HSD17B3: variants seen among roughly 807,000 people sequenced by gnomAD.
HSD17B3 encodes the protein 17-beta-hydroxysteroid dehydrogenase type 3.
A neutral mutation model predicts 41.1 loss-of-function variants in HSD17B3; 29 were observed. That is an observed-to-expected ratio of 0.71 (90% CI 0.53 to 0.96). The LOEUF (loss-of-function observed/expected upper bound fraction) is 0.96. HSD17B3 is among the 40% of genes least tolerant of loss of function. The pLI, the probability that HSD17B3 is intolerant of heterozygous loss-of-function variation, is 0.00. For missense variants in HSD17B3, 323 were observed against 374.6 expected, an observed-to-expected ratio of 0.86 and a Z score of 1.14; for synonymous variants, 126 against 145.6, an observed-to-expected ratio of 0.87 and a Z score of 0.97.
At chr9:96,253,892 C>T (rs1825527086) in intron 3 of HSD17B3, among the ~76,000 whole-genome samples, 1 of 152,056 alleles carries the variant, frequency 6.6e-6, no homozygotes, top group Non-Finnish European at 1.5e-5. Context: ...AAGCAGAATT[C>T]ATGGGTTCAA....
intron 8 of HSD17B3, among the ~76,000 whole-genome samples, chr9:96,244,981 GC>G (rs933499888): frequency 4.2e-4 from 64 of 151,990 alleles, no homozygotes; most frequent in African/African-American, 1.5e-3. Context: ...CTTGTACAGC[GC>G]CCCCTCCTCC....
At chr9:96,277,285 A>G (rs1292945368) in intron 2 of HSD17B3, among the ~76,000 whole-genome samples, 1 of 152,224 alleles carries the variant, frequency 6.6e-6, no homozygotes, top group African/African-American at 2.4e-5. Flanking sequence ...GGTAACCTAC[A>G]AAATGGAATA....
At chr9:96,286,260 C>G (rs1826913011) in intron 2 of HSD17B3, among the ~76,000 whole-genome samples, 1 of 152,112 alleles carries the variant, frequency 6.6e-6, no homozygotes, top group Non-Finnish European at 1.5e-5. Flanking sequence ...AGGAGAATCA[C>G]TTTAACCCGG....
At position 96,252,834 on chromosome 9, in the gene HSD17B3, T is replaced by C; in HGVS notation, c.354A>G (p.Glu118=). ...TTCCAATTTCTAAGCCTGCAAGTTT[T>C]TCTTTAATATGCTCGTAGATGTCAT... The part of the protein sequence containing the change: ...TKDDIYEHIK[E]KLAGLEIGIL... Residue 118 remains glutamate, a synonymous_variant, in exon 4 of 11, where the codon GAA becomes GAG. Coordinates refer to ENST00000375263, the MANE Select transcript of HSD17B3 (RefSeq NM_000197.2). The C allele has an allele frequency of 6.2e-7, 1 of 1,612,820 alleles. No homozygotes were observed. The highest frequency in any genetic ancestry group is 1.1e-5 in the South Asian group (1 of 91,044).
At chr9:96,242,005 GA>G (rs1836474184) in intron 9 of HSD17B3, among the ~76,000 whole-genome samples, 3 of 68,530 alleles carry the variant, frequency 4.4e-5, no homozygotes, top group Non-Finnish European at 9.4e-5. Flanking sequence ...AAGAAAGAAA[GA>G]GAAAGAAAAG....
chr9:96,251,363 A>G, intron 5 of HSD17B3, 55 bp downstream of exon 5: 1 of 1,476,110 alleles, frequency 6.8e-7, no homozygotes, highest in Non-Finnish European at 9.5e-7. Flanking sequence ...TTACCCAGCC[A>G]GGGGACCCAG....
intron 2 of HSD17B3, among the ~76,000 whole-genome samples, chr9:96,282,628 A>G (rs1351769788): frequency 6.6e-6 from 1 of 152,228 alleles, no homozygotes; most frequent in Non-Finnish European, 1.5e-5. Flanking sequence ...GTCCTGAGCT[A>G]GGCTCCACAC....
At chr9:96,252,714 T>C in intron 4 of HSD17B3, 89 bp downstream of exon 4, 1 of 800,934 alleles carries the variant, frequency 1.2e-6, no homozygotes. Flanking sequence ...TGAGTATAAA[T>C]CACCATGAAA....
intron 6 of HSD17B3, chr9:96,249,533 A>C: frequency 1.7e-6 from 1 of 596,926 alleles, no homozygotes; most frequent in South Asian, 2.1e-5. Flanking sequence ...TGAAAGCAGA[A>C]ATAGAATTCA....
intron 10 of HSD17B3, among the ~76,000 whole-genome samples, chr9:96,238,932 G>T (rs1240527982): frequency 1.3e-5 from 2 of 152,194 alleles, no homozygotes; most frequent in African/African-American, 4.8e-5. Context: ...GCTGAGATTT[G>T]GTTTTTCCAG....
At chr9:96,244,674 C>A (rs1029993839) in intron 8 of HSD17B3, among the ~76,000 whole-genome samples, 4 of 151,686 alleles carry the variant, frequency 2.6e-5, no homozygotes, top group African/African-American at 9.7e-5. Flanking sequence ...AAAAAAAAAA[C>A]CGGTAAGTAT....
Position 96,249,767 on chromosome 9 carries a change from AT to A in HSD17B3, c.472del (p.Ile158SerfsTer4). The A allele has an allele frequency of 6.2e-7, 1 of 1,614,098 alleles. No homozygotes were observed. Among genetic ancestry groups the A allele is most frequent in the Non-Finnish European group, 8.5e-7 (1 of 1,179,960 alleles). ...ATCACATACCTTGACTACGGAGGTGATGTTACAATGGATGAGGCTCTGTAAT... is the reference window on the plus strand; with the variant it reads ...ATCACATACCTTGACTACGGAGGTGAGTTACAATGGATGAGGCTCTGTAAT... ...DEIQSLIHCN[I>X]TSVVKMTQLI... On this transcript the variant is annotated frameshift_variant, in exon 6 of 11. Coordinates refer to ENST00000375263, the MANE Select transcript of HSD17B3 (RefSeq NM_000197.2). LOFTEE classifies it high-confidence loss of function.
intron 10 of HSD17B3, among the ~76,000 whole-genome samples, chr9:96,236,850 A>G (rs565550352): frequency 6.6e-6 from 1 of 152,196 alleles, no homozygotes; most frequent in Non-Finnish European, 1.5e-5. Flanking sequence ...TTCACAGCAT[A>G]ACTTTATTAA....
At chr9:96,237,977 A>T (rs1207764481) in intron 10 of HSD17B3, among the ~76,000 whole-genome samples, 1 of 152,094 alleles carries the variant, frequency 6.6e-6, no homozygotes, top group Non-Finnish European at 1.5e-5. Flanking sequence ...CAAAAAAAAA[A>T]TTAAAACATT....
chr9:96,246,122 A>C (rs1363295375), intron 7 of HSD17B3, among the ~76,000 whole-genome samples: 6 of 152,224 alleles, frequency 3.9e-5, no homozygotes, highest in Admixed American at 3.9e-4. Context: ...GCATTGGAAT[A>C]GGGTGACATA....
In HSD17B3 at chr9:96,298,482, T is replaced by A. The variant is rs767218098; in HGVS notation, c.155-20A>T. On this transcript the variant is annotated intron_variant, in intron 1 of 10. Transcript: ENST00000375263. ...TGATCACTGTGAAAAGCAAGAATGC[T>A]TTTAAAAGACAGAATTCATCTTTAA... 2 of 1,608,086 alleles carry A rather than the reference T, an allele frequency of 1.2e-6. No homozygotes were observed. The highest frequency in any genetic ancestry group is 2.2e-5 in the South Asian group (2 of 90,964).
chr9:96,281,316 AT>A (rs996002584), intron 2 of HSD17B3, among the ~76,000 whole-genome samples: 9 of 152,160 alleles, frequency 5.9e-5, no homozygotes, highest in Admixed American at 6.5e-5. Context: ...CCCAAAAAAA[AT>A]AGACTACAGC....
chr9:96,268,246 G>A (rs1564044000), intron 2 of HSD17B3, among the ~76,000 whole-genome samples: 1 of 152,006 alleles, frequency 6.6e-6, no homozygotes, highest in Non-Finnish European at 1.5e-5. Flanking sequence ...TTCTGAAATG[G>A]TTCTTGAGCC....
rs1298022333 is a variant in HSD17B3, at chr9:96,250,111, G to A, written c.454-325C>T. 4 of 1,325,088 alleles carry A rather than the reference G, an allele frequency of 3.0e-6. No individual in the cohort carries two copies. In the African/African-American group the frequency reaches 4.4e-5, roughly 15 times the overall value. The allele number at this position is 1,325,088 out of a possible 1,614,324, so 82.1% of individuals were successfully genotyped here. On this transcript the variant is annotated intron_variant, in intron 5 of 10. Coordinates refer to ENST00000375263, the MANE Select transcript of HSD17B3 (RefSeq NM_000197.2). ...GCTACTCCATTCTCAGCTGGAGGAAGAGGGGTTAGCCTATGTGAGTCCAGG... is the reference window on the plus strand; with the variant it reads ...GCTACTCCATTCTCAGCTGGAGGAAAAGGGGTTAGCCTATGTGAGTCCAGG...
Sources: gnomAD v4.1 joint callset for allele counts (sites outside exome capture counted in the v4.1 genomes callset) on GRCh38, gnomAD v4.1.1 for gene constraint, MANE v1.5 for transcripts, NCBI Gene and HGNC (gene_info 2026-07-23, HGNC 2026-07-21) for gene names.